The following ZBTB11 variants were observed in gnomAD, a reference collection of about 807,000 sequenced individuals.
The protein encoded by ZBTB11 is zinc finger and BTB domain containing 11, also known as zinc finger and BTB domain-containing protein 11.
In ZBTB11, 68 loss-of-function variants were observed where a neutral mutation model predicts 113.1. The observed-to-expected ratio is 0.60, with a 90% CI of 0.49 to 0.74. The LOEUF (loss-of-function observed/expected upper bound fraction) is 0.74, where lower values mean the gene tolerates loss of function less well. Among genes scored for constraint, ZBTB11 ranks in the 30% least tolerant of loss-of-function variants. The pLI is 0.00. For missense variants in ZBTB11, 1,104 were observed against 1,279.4 expected, an observed-to-expected ratio of 0.86 and a Z score of 2.09; for synonymous variants, 518 against 452.6, an observed-to-expected ratio of 1.14 and a Z score of -1.83.
At chr3:101,676,167 C>T (rs948228543) in intron 1 of ZBTB11, among the ~76,000 whole-genome samples, 1 of 150,388 alleles carries the variant, frequency 6.6e-6, no homozygotes, top group African/African-American at 2.4e-5. Flanking sequence ...ACTAAAGAAA[C>T]GGGAGACCCG....
In ZBTB11 at chr3:101,651,372, C is replaced by G. The variant is rs1474655532; in HGVS notation, c.2956G>C (p.Val986Leu). Residue 986 changes from valine (V) to leucine (L), a missense_variant, in exon 11 of 11, where the codon GTG (valine) becomes CTG (leucine). This residue lies in a region of ZBTB11 where 90 missense variants were observed against 98.0 expected (regional missense o/e 0.92). Transcript: ENST00000312938. ...TCCATAGTTTCTCCTGTCACTACCA[C>G]AGTCTCAAGTTCTTGAGGACCACTG... ...ESSGPQELET[V>L]VVTGETMEAL... 3 of 1,613,988 alleles carry G rather than the reference C, an allele frequency of 1.9e-6. No individual in the cohort carries two copies. Among genetic ancestry groups the G allele is most frequent in the Non-Finnish European group, 2.5e-6 (3 of 1,179,898 alleles).
chr3:101,674,241 G>A (rs1004277121), intron 1 of ZBTB11, among the ~76,000 whole-genome samples: 3 of 152,086 alleles, frequency 2.0e-5, no homozygotes, highest in African/African-American at 4.8e-5. Context: ...ACGTGAGCCT[G>A]GGAGGCGAAG....
At chr3:101,657,138 C>T (rs1936812025) in intron 6 of ZBTB11, among the ~76,000 whole-genome samples, 2 of 70,390 alleles carry the variant, frequency 2.8e-5, no homozygotes, top group Non-Finnish European at 6.4e-5. Flanking sequence ...AAGAATCAGT[C>T]TCAAAAAAAA....
At chr3:101,661,329 C>G (rs1936884035) in intron 5 of ZBTB11, among the ~76,000 whole-genome samples, 1 of 151,506 alleles carries the variant, frequency 6.6e-6, no homozygotes. Flanking sequence ...TCACTATTGT[C>G]TTGATGAATC....
chr3:101,652,772 T>C lies in ZBTB11; in HGVS notation c.2468+8A>G. 1.2e-6 allele frequency: 2 copies of C among 1,610,190 alleles called. No homozygotes were observed. The highest frequency in any genetic ancestry group is 2.2e-5 in the South Asian group (2 of 90,788). ...AATTAAGTTCAGCTCCTTCTCAAAT[T>C]TACTCACCTATAAGGCTCAGTGACA... On this transcript the variant is annotated splice_region_variant and intron_variant, in intron 9 of 10. Transcript: ENST00000312938.
intron 10 of ZBTB11, 146 bp downstream of exon 10, chr3:101,652,350 A>G: frequency 1.4e-6 from 1 of 699,938 alleles, no homozygotes. Context: ...ATAATTAGGT[A>G]CTCAGGTTCA....
At position 101,655,346 on chromosome 3, in the gene ZBTB11, C is replaced by T. The variant is rs369290219; in HGVS notation, c.2192-525G>A. 5.6e-4 allele frequency among the ~76,000 whole-genome samples: 85 copies of T among 152,310 alleles called. 1 individual carries two copies. The highest frequency in any genetic ancestry group is 3.4e-3 in the Middle Eastern group (1 of 294). On this transcript the variant is annotated intron_variant, in intron 7 of 10. Transcript: ENST00000312938. ...AGGGTATGACCCTAGTCATGTGATA[C>T]GGTTGTATGATCTATGGATTGTAAT...
At chr3:101,654,962 C>G (rs11924203) in intron 7 of ZBTB11, 141 bp from the exon 8 acceptor site, 6 of 592,152 alleles carry the variant, frequency 1.0e-5, no homozygotes, top group Non-Finnish European at 1.8e-5. Context: ...ATCGCAAACT[C>G]CACCTCCCAG....
intron 5 of ZBTB11, among the ~76,000 whole-genome samples, chr3:101,663,185 G>C (rs1000251650): frequency 2.0e-5 from 3 of 151,892 alleles, no homozygotes; most frequent in Non-Finnish European, 4.4e-5. Context: ...TGATCTGCCC[G>C]CCTCAGCCTC....
chr3:101,655,081 T>C (rs1229303104), intron 7 of ZBTB11, among the ~76,000 whole-genome samples: 3 of 152,176 alleles, frequency 2.0e-5, no homozygotes, highest in African/African-American at 7.2e-5. Context: ...TTTCACCATG[T>C]TAGCCAGGAG....
chr3:101,663,286 G>C (rs939426240), intron 5 of ZBTB11, among the ~76,000 whole-genome samples: 1 of 152,072 alleles, frequency 6.6e-6, no homozygotes, highest in African/African-American at 2.4e-5. Context: ...TGCCCAGGCT[G>C]GTCTTGAAAT....
intron 7 of ZBTB11, among the ~76,000 whole-genome samples, chr3:101,655,579 C>T (rs1936780753): frequency 6.6e-6 from 1 of 152,068 alleles, no homozygotes; most frequent in Admixed American, 6.6e-5. Flanking sequence ...ATGATTTTAA[C>T]ACTTAGTACA....
Position 101,668,497 on chromosome 3 carries a change from T to C in ZBTB11, c.778+2633A>G, listed in dbSNP as rs779845290. On this transcript the variant is annotated intron_variant, in intron 3 of 10. Transcript: ENST00000312938. The stretch of plus-strand genomic sequence containing the variant: ...TGAAAAAATTAGTTGGACAAGGTGG[T>C]GTGCACCTGTGGTCCCACCTACACG... 9.2e-5 allele frequency among the ~76,000 whole-genome samples: 14 copies of C among 152,004 alleles called. No homozygotes were observed. In the South Asian group the frequency reaches 1.7e-3, roughly 18 times the overall value.
In ZBTB11 at chr3:101,659,750, C is replaced by T. The variant is rs367589407; in HGVS notation, c.2046+33G>A. The T allele has an allele frequency of 6.2e-6, 10 of 1,609,682 alleles. No individual in the cohort carries two copies. In the Admixed American group the frequency reaches 1.7e-4, roughly 27 times the overall value. ...GCACACATAGTTAAGTTCTAATGTT[C>T]TTTAAATAGCAAAATAAACGTTATA... On this transcript the variant is annotated intron_variant, in intron 6 of 10. Coordinates refer to ENST00000312938, the MANE Select transcript of ZBTB11 (RefSeq NM_014415.4).
At chr3:101,669,447 G>C (rs952266287) in intron 3 of ZBTB11, among the ~76,000 whole-genome samples, 5 of 151,890 alleles carry the variant, frequency 3.3e-5, no homozygotes, top group African/African-American at 1.2e-4. Flanking sequence ...AAGACTAAAT[G>C]ATGTATTATG....
chr3:101,671,223 T>C lies in ZBTB11; in HGVS notation c.685A>G (p.Lys229Glu). ...LIEGEEYKAH[K>E]SVLSANSEYF... is the part of the protein sequence containing the mutation. ...TCGCTATTTGCTGACAAAACAGATT[T>C]ATGAGCTTTGTACTCTTCTCCTTCA... Residue 229 changes from lysine to glutamate, a missense_variant, in exon 3 of 11, where the codon AAA (lysine) becomes GAA (glutamate). Lys to Glu is a moderately conservative substitution (Grantham distance 56). This residue lies in a region of ZBTB11 where 86 missense variants were observed against 131.0 expected (regional missense o/e 0.66). Transcript: ENST00000312938. 6.2e-7 allele frequency: 1 copy of C among 1,614,172 alleles called. No homozygotes were observed. The highest frequency in any genetic ancestry group is 8.5e-7 in the Non-Finnish European group (1 of 1,180,022).
Position 101,671,313 on chromosome 3 carries a change from C to A in ZBTB11, c.595G>T (p.Ala199Ser). Residue 199 changes from alanine (A) to serine (S), a missense_variant, in exon 3 of 11, where the codon GCT (alanine) becomes TCT (serine). By Grantham distance (99) the Ala-to-Ser change is moderately conservative (BLOSUM62 1). Transcript: ENST00000312938. ...VKRSSPKHCQ[A>S]VLKQLNEQRL... Reference sequence around the variant, plus strand: ...TGTTCGTTCAGCTGTTTTAAGACAGCCTGACAATGTTTTGGAGAAGAACGT... The same window carrying A: ...TGTTCGTTCAGCTGTTTTAAGACAGACTGACAATGTTTTGGAGAAGAACGT... 6.2e-7 allele frequency: 1 copy of A among 1,614,128 alleles called. No homozygotes were observed. Among genetic ancestry groups the A allele is most frequent in the Non-Finnish European group, 8.5e-7 (1 of 1,180,012 alleles).
rs1465799401 is a variant in ZBTB11 at position 101,676,958 on chromosome 3, G to A, written c.-44C>T. On this transcript the variant is annotated 5_prime_UTR_variant, in exon 1 of 11. Transcript: ENST00000312938. Reference sequence around the variant, plus strand: ...GAGGGCGCCTGTCAGGGACAGGTGAGGAAAACGGCCCGCTACCTACGGGCG... The same window carrying A: ...GAGGGCGCCTGTCAGGGACAGGTGAAGAAAACGGCCCGCTACCTACGGGCG... 2 of 1,505,142 alleles carry A rather than the reference G, an allele frequency of 1.3e-6. No individual in the cohort carries two copies. The highest frequency in any genetic ancestry group is 2.4e-5 in the East Asian group (1 of 41,494). The allele number at this position is 1,505,142 out of a possible 1,614,324, so 93.2% of individuals were successfully genotyped here.
In ZBTB11 at chr3:101,672,192, T is replaced by C; in HGVS notation, c.332A>G (p.Asp111Gly). Residue 111 changes from aspartate to glycine, a missense_variant, in exon 2 of 11, where the codon GAT becomes GGT. Transcript: ENST00000312938. ...GCATTTGCTACACTGTTTAATGTAATCTTTGACTTGCTTCAATATACCTAC... is the reference window on the plus strand; with the variant it reads ...GCATTTGCTACACTGTTTAATGTAACCTTTGACTTGCTTCAATATACCTAC... ...WWRGILKQVK[D>G]YIKQCSKCQE... The C allele has an allele frequency of 6.2e-7, 1 of 1,605,178 alleles. No individual in the cohort carries two copies. The highest frequency in any genetic ancestry group is 8.5e-7 in the Non-Finnish European group (1 of 1,176,280).
Sources: gnomAD v4.1 joint callset for allele counts (sites outside exome capture counted in the v4.1 genomes callset) on GRCh38, gnomAD v4.1.1 for gene constraint, gnomAD v4.1.1 regional missense constraint, MANE v1.5 for transcripts, NCBI Gene and HGNC (gene_info 2026-07-23, HGNC 2026-07-21) for gene names.